The following XPNPEP1 variants were observed in gnomAD, a reference collection of about 807,000 sequenced individuals.
XPNPEP1 encodes xaa-Pro aminopeptidase 1.
Under a neutral mutation model 92.4 loss-of-function variants are expected in XPNPEP1, and 39 were observed. That is an observed-to-expected ratio of 0.42 (90% confidence interval 0.33 to 0.55). XPNPEP1 has a LOEUF of 0.55. Ranked by LOEUF, XPNPEP1 falls within the 20% of genes least tolerant of loss-of-function variation. The pLI is 0.08. For synonymous variants in XPNPEP1, 307 were observed against 299.4 expected, an observed-to-expected ratio of 1.03 and a Z score of -0.26; for missense variants, 654 against 856.1, an observed-to-expected ratio of 0.76 and a Z score of 2.95.
intron 8 of XPNPEP1, 88 bp from the exon 9 acceptor site, chr10:109,884,236 A>T (rs1402143283): frequency 7.8e-7 from 1 of 1,274,568 alleles, no homozygotes; most frequent in African/African-American, 1.5e-5. Flanking sequence ...TTCAGCTTGG[A>T]GTCCAGCTGC....
rs1848532956 is a variant in XPNPEP1, at chr10:109,888,590, T to C, written c.421A>G (p.Lys141Glu). 1 of 1,603,782 alleles carries C rather than the reference T, an allele frequency of 6.2e-7. No homozygotes were observed. The highest frequency in any genetic ancestry group is 1.3e-5 in the African/African-American group (1 of 74,754). ...SNWTLMKMGL[K>E]DTPTQEDWLV... ...CAGTCTTCCTGAGTTGGTGTGTCCT[T>C]CAGACCTACAGGGGGAAGAAATGAT... Residue 141 changes from lysine to glutamate, a missense_variant, in exon 6 of 21, where the codon AAG becomes GAG. Transcript: ENST00000502935.
chr10:109,908,724 G>A (rs1231650738), intron 2 of XPNPEP1, among the ~76,000 whole-genome samples: 1 of 152,262 alleles, frequency 6.6e-6, no homozygotes, highest in Non-Finnish European at 1.5e-5. Flanking sequence ...CAAGTGTTAA[G>A]AGTGGTTACC....
chr10:109,918,907 GGAAGGAAGGAGA>G (rs1479517259), intron 1 of XPNPEP1, among the ~76,000 whole-genome samples: 5 of 83,004 alleles, frequency 6.0e-5, no homozygotes, highest in African/African-American at 1.3e-4. Context: ...AAGGAAGGAA[GGAAGGAAGGAGA>G]GAGAGAAAAA....
chr10:109,916,111 T>C (rs1344603222), intron 1 of XPNPEP1, among the ~76,000 whole-genome samples: 1 of 151,802 alleles, frequency 6.6e-6, no homozygotes, highest in African/African-American at 2.4e-5. Context: ...ACGTGTTTTG[T>C]GAAAAAAAGT....
chr10:109,871,658 G>T, intron 17 of XPNPEP1, 134 bp downstream of exon 17: 3 of 995,886 alleles, frequency 3.0e-6, no homozygotes, highest in Non-Finnish European at 3.0e-6. Context: ...CTCACCCCAT[G>T]AGCACCTGGC....
At chr10:109,887,963 G>A in intron 7 of XPNPEP1, 86 bp downstream of exon 7, 1 of 1,545,236 alleles carries the variant, frequency 6.5e-7, no homozygotes, top group East Asian at 2.3e-5. Flanking sequence ...AACTCGACTT[G>A]GATTCGGAGG....
rs777253890 is a variant in XPNPEP1, at chr10:109,865,269, A to G, written c.1916T>C (p.Ile639Thr). ...NNYHLTCRDV[I>T]GKELQKQGRQ... ...GCCCTGTTTCTGCAATTCCTTCCCAATCACATCCCTGCAGGTCAGGTGGTA... is the reference window on the plus strand; with the variant it reads ...GCCCTGTTTCTGCAATTCCTTCCCAGTCACATCCCTGCAGGTCAGGTGGTA... The change falls in exon 21 of 21, where the codon ATT becomes ACT. Residue 639 changes from isoleucine to threonine, a missense_variant. Physicochemically the swap from Ile to Thr is moderately conservative, Grantham distance 89. Transcript: ENST00000502935. 2.7e-5 allele frequency: 44 copies of G among 1,614,054 alleles called. No homozygotes were observed. The African/African-American group carries it at 3.7e-4, about 14-fold the overall frequency.
chr10:109,907,877 C>G (rs893257720), intron 2 of XPNPEP1, 62 bp from the exon 3 acceptor site: 4 of 1,598,474 alleles, frequency 2.5e-6, no homozygotes, highest in South Asian at 2.3e-5. Flanking sequence ...ACGTCCAGTT[C>G]GAAGTGGGCC....
At chr10:109,911,285 T>G (rs920666531) in intron 2 of XPNPEP1, among the ~76,000 whole-genome samples, 1 of 151,710 alleles carries the variant, frequency 6.6e-6, no homozygotes, top group Non-Finnish European at 1.5e-5. Context: ...AGGGGCATTC[T>G]TTTTTTTTCT....
At chr10:109,889,548 C>T (rs929606314) in intron 5 of XPNPEP1, among the ~76,000 whole-genome samples, 9 of 152,196 alleles carry the variant, frequency 5.9e-5, no homozygotes, top group African/African-American at 2.2e-4. Context: ...GTTTCTAAGA[C>T]GCTAGTCATA....
intron 1 of XPNPEP1, among the ~76,000 whole-genome samples, chr10:109,922,291 C>A (rs1850585310): frequency 6.6e-6 from 1 of 152,146 alleles, no homozygotes; most frequent in Non-Finnish European, 1.5e-5. Flanking sequence ...TCCTAAAAGG[C>A]TGTGAGTCTA....
At chr10:109,908,725 A>G (rs773854055) in intron 2 of XPNPEP1, among the ~76,000 whole-genome samples, 1 of 152,254 alleles carries the variant, frequency 6.6e-6, no homozygotes, top group Non-Finnish European at 1.5e-5. Context: ...AAGTGTTAAG[A>G]GTGGTTACCT....
At chr10:109,914,544 C>T (rs760307172) in intron 2 of XPNPEP1, among the ~76,000 whole-genome samples, 1 of 152,136 alleles carries the variant, frequency 6.6e-6, no homozygotes, top group African/African-American at 2.4e-5. Flanking sequence ...TGCCTGTAAT[C>T]CCAGCACTTT....
intron 7 of XPNPEP1, 92 bp from the exon 8 acceptor site, chr10:109,886,433 G>T: frequency 8.4e-7 from 1 of 1,187,046 alleles, no homozygotes. Context: ...TCTTTAATCA[G>T]CACCATTTCT....
chr10:109,914,627 T>TAAAAATA (rs1181053889), intron 2 of XPNPEP1, among the ~76,000 whole-genome samples: 8 of 151,980 alleles, frequency 5.3e-5, no homozygotes, highest in African/African-American at 1.9e-4. Context: ...AGAAACCCCA[T>TAAAAATA]CTCTACTAAA....
At position 109,884,206 on chromosome 10, in the gene XPNPEP1, T is replaced by A. The variant is rs1589573172; in HGVS notation, c.749-58A>T. The A allele has an allele frequency of 1.9e-6, 3 of 1,551,842 alleles. 1 individual carries two copies. In the South Asian group the frequency reaches 3.4e-5, roughly 18 times the overall value. ...CTGACTTAAGATGTTAAGGGGTCGC[T>A]TGTAGCGGGAGGGAAGAGCTTCAGC... On this transcript the variant is annotated intron_variant, in intron 8 of 20. Transcript: ENST00000502935.
At chr10:109,873,997 G>A (rs931850169) in intron 15 of XPNPEP1, among the ~76,000 whole-genome samples, 24 of 152,264 alleles carry the variant, frequency 1.6e-4, no homozygotes, top group Admixed American at 9.8e-4. Context: ...GGTAGTGACC[G>A]CTATTGGGTA....
rs777814357 is a variant in XPNPEP1 at position 109,877,791 on chromosome 10, C to T, written c.1318G>A (p.Ala440Thr). ...TGPNGAIIHYAPVPETNRTLS... is the reference protein window; with the variant it reads ...TGPNGAIIHYTPVPETNRTLS... ...AGCATGCTCCTCCGCATGCCTTACG[C>T]GTAGTGAATGATGGCGCCGTTGGGT... Residue 440 changes from alanine to threonine, a missense_variant and splice_region_variant, in exon 14 of 21, where the codon GCG (alanine) becomes ACG (threonine). Ala to Thr is a moderately conservative substitution (Grantham distance 58). Transcript: ENST00000502935. The T allele has an allele frequency of 8.7e-6, 14 of 1,614,094 alleles. No homozygotes were observed. In the East Asian group the frequency reaches 1.3e-4, roughly 15 times the overall value.
chr10:109,865,011 GTGTT>G lies in XPNPEP1; in HGVS notation c.*169_*172del. On this transcript the variant is annotated 3_prime_UTR_variant, in exon 21 of 21. Coordinates refer to ENST00000502935, the MANE Select transcript of XPNPEP1 (RefSeq NM_020383.4). ...CAATTAAAAAATCATAAAAGACTGA[GTGTT>G]TGCAATAAAATATCAAAGAGGATAA... The G allele has an allele frequency of 1.1e-6, 1 of 918,958 alleles. No individual in the cohort carries two copies. Among genetic ancestry groups the G allele is most frequent in the African/African-American group, 1.7e-5 (1 of 59,784 alleles). 56.9% of individuals were successfully genotyped at this position (918,958 alleles called of 1,614,324 possible).
Sources: gnomAD v4.1 joint callset for allele counts (sites outside exome capture counted in the v4.1 genomes callset) on GRCh38, gnomAD v4.1.1 for gene constraint, MANE v1.5 for transcripts, NCBI Gene and HGNC (gene_info 2026-07-23, HGNC 2026-07-21) for gene names.